The following TMOD1 variants were observed in gnomAD, a reference collection of about 807,000 sequenced individuals.
The protein encoded by TMOD1 is tropomodulin-1.
TMOD1 carries 17 observed loss-of-function variants against 40.6 expected under a neutral mutation model. The ratio of observed to expected loss-of-function variants is 0.42; its 90% CI spans 0.29 to 0.63. The LOEUF is 0.63. TMOD1 is among the 20% of genes least tolerant of loss of function. TMOD1 has a pLI of 0.22. For missense variants in TMOD1, 391 were observed against 447.6 expected, an observed-to-expected ratio of 0.87 and a Z score of 1.14; for synonymous variants, 181 against 175.0, an observed-to-expected ratio of 1.03 and a Z score of -0.27.
In TMOD1 at chr9:97,599,800, C is replaced by CTTT; in HGVS notation, c.*104_*106dup. ...GGCAAAATGCTGGCAGCATGAAACCCTTTTGTGGTTCAGTTCTTTATGCAC... is the reference window on the plus strand; with the variant it reads ...GGCAAAATGCTGGCAGCATGAAACCCTTTTTTTGTGGTTCAGTTCTTTATGCAC... On this transcript the variant is annotated 3_prime_UTR_variant, in exon 10 of 10. Transcript: ENST00000259365. The CTTT allele has an allele frequency of 5.0e-6, 8 of 1,591,880 alleles. No individual in the cohort carries two copies. Among genetic ancestry groups the CTTT allele is most frequent in the Non-Finnish European group, 6.9e-6 (8 of 1,166,792 alleles).
At chr9:97,538,989 A>G (rs1200802302) in intron 2 of TMOD1, among the ~76,000 whole-genome samples, 2 of 152,144 alleles carry the variant, frequency 1.3e-5, no homozygotes, top group African/African-American at 4.8e-5. Flanking sequence ...TGGCCAGCAC[A>G]GCCAGACTCC....
rs554148541 is a variant in TMOD1, at chr9:97,507,773, G to T, written c.-49+5970G>T. 4.6e-5 allele frequency among the ~76,000 whole-genome samples: 7 copies of T among 152,258 alleles called. No homozygotes were observed. In the East Asian group the frequency reaches 9.6e-4, roughly 21 times the overall value. ...TGACTCATGGCAGCCAAGGGGAAAG[G>T]GGGGGACAAGATGAATGGGAGGACT... On this transcript the variant is annotated intron_variant, in intron 1 of 9. Transcript: ENST00000259365.
rs1826209687 is a variant in TMOD1 at position 97,599,679 on chromosome 9, A to G, written c.1061A>G (p.Lys354Arg). 1.9e-6 allele frequency: 3 copies of G among 1,614,050 alleles called. No homozygotes were observed. Among genetic ancestry groups the G allele is most frequent in the Middle Eastern group, 1.6e-4 (1 of 6,078 alleles). ...GACCTGACTGGGCCCATCATTCCCA[A>G]GTGCCGGAGTGGTGTCTAGTGTGTG... ...LADLTGPIIP[K>R]CRSGV The change falls in exon 10 of 10, where the codon AAG becomes AGG. Residue 354 changes from lysine (K) to arginine (R), a missense_variant. Coordinates refer to ENST00000259365, the MANE Select transcript of TMOD1 (RefSeq NM_003275.4).
At chr9:97,561,059 G>T (rs1315217401) in intron 4 of TMOD1, among the ~76,000 whole-genome samples, 1 of 152,202 alleles carries the variant, frequency 6.6e-6, no homozygotes, top group Non-Finnish European at 1.5e-5. Context: ...GGCCTGTGAA[G>T]CCAGGCTCTG....
At chr9:97,527,841 T>C (rs544070570) in intron 2 of TMOD1, among the ~76,000 whole-genome samples, 1 of 152,134 alleles carries the variant, frequency 6.6e-6, no homozygotes, top group Non-Finnish European at 1.5e-5. Flanking sequence ...CAGGGAGAAG[T>C]GCACCTGAGG....
intron 1 of TMOD1, among the ~76,000 whole-genome samples, chr9:97,518,182 G>A (rs1006253395): frequency 6.6e-6 from 1 of 152,214 alleles, no homozygotes; most frequent in African/African-American, 2.4e-5. Context: ...ACCTGTGAAT[G>A]TGATAAGGTC....
intron 2 of TMOD1, among the ~76,000 whole-genome samples, chr9:97,537,613 C>T (rs557935118): frequency 5.3e-5 from 8 of 152,192 alleles, no homozygotes; most frequent in East Asian, 1.9e-4. Flanking sequence ...GCTGCACATC[C>T]GAGTTATAAT....
At chr9:97,583,837 C>T (rs1431213868) in intron 8 of TMOD1, among the ~76,000 whole-genome samples, 33 of 145,754 alleles carry the variant, frequency 2.3e-4, no homozygotes, top group African/African-American at 5.3e-4. Flanking sequence ...TCTGTGGGAT[C>T]GGTGGTGATA....
At chr9:97,589,279 ATTTTT>A (rs563136711) in intron 8 of TMOD1, among the ~76,000 whole-genome samples, 1 of 109,502 alleles carries the variant, frequency 9.1e-6, no homozygotes, top group Admixed American at 1.0e-4. Flanking sequence ...AAACTCACTA[ATTTTT>A]TTTTTTTTTT....
rs1407622398 is a variant in TMOD1, at chr9:97,600,031, T to A, written c.*333T>A. The A allele has an allele frequency of 1.8e-6, 2 of 1,095,692 alleles. No individual in the cohort carries two copies. Among genetic ancestry groups the A allele is most frequent in the African/African-American group, 3.2e-5 (2 of 62,518 alleles). 67.9% of individuals were successfully genotyped at this position (1,095,692 alleles called of 1,614,324 possible). On this transcript the variant is annotated 3_prime_UTR_variant, in exon 10 of 10. Coordinates refer to ENST00000259365, the MANE Select transcript of TMOD1 (RefSeq NM_003275.4). ...TTTCAATGGCCTTGCTGTGTGGTGT[T>A]TCAAGTGCATTTAAAATGTGTGACA...
intron 1 of TMOD1, among the ~76,000 whole-genome samples, chr9:97,509,512 GT>G (rs1336296792): frequency 3.8e-5 from 4 of 106,132 alleles, no homozygotes; most frequent in African/African-American, 1.4e-4. Flanking sequence ...TTTTTTTTTT[GT>G]TTTTTGTTTT....
intron 8 of TMOD1, among the ~76,000 whole-genome samples, chr9:97,569,957 T>C (rs956797365): frequency 2.0e-5 from 3 of 152,132 alleles, no homozygotes; most frequent in African/African-American, 4.8e-5. Context: ...TTTTTTTTTT[T>C]CCACTACATG....
At chr9:97,517,390 C>T (rs550742399) in intron 1 of TMOD1, among the ~76,000 whole-genome samples, 10 of 151,840 alleles carry the variant, frequency 6.6e-5, no homozygotes, top group Admixed American at 3.9e-4. Flanking sequence ...TCAGGCTGGC[C>T]CTGAGCTGGA....
chr9:97,601,079 C>T lies in TMOD1; in HGVS notation c.*1381C>T, dbSNP rs971482785. ...GTGGGCAGTACAGGGTAACTGGAGG[C>T]GGGGCCAGGGCCTCAGCGCTATGGA... On this transcript the variant is annotated 3_prime_UTR_variant, in exon 10 of 10. Coordinates refer to ENST00000259365, the MANE Select transcript of TMOD1 (RefSeq NM_003275.4). 41 of 1,304,130 alleles carry T rather than the reference C, an allele frequency of 3.1e-5. No homozygotes were observed. The highest frequency in any genetic ancestry group is 2.2e-4 in the East Asian group (4 of 18,034). 80.8% of individuals were successfully genotyped at this position (1,304,130 alleles called of 1,614,324 possible).
chr9:97,531,402 G>A (rs1267635667), intron 2 of TMOD1, among the ~76,000 whole-genome samples: 2 of 152,102 alleles, frequency 1.3e-5, no homozygotes, highest in African/African-American at 2.4e-5. Context: ...CTTGAGGTCA[G>A]GAGTTCAAAA....
rs575551606 is a variant in TMOD1, at chr9:97,510,078, G to A, written c.-49+8275G>A. Among the ~76,000 whole-genome samples, 14 of 151,974 alleles carry A rather than the reference G, an allele frequency of 9.2e-5. No homozygotes were observed. In the East Asian group the frequency reaches 1.2e-3, roughly 13 times the overall value. On this transcript the variant is annotated intron_variant, in intron 1 of 9. Coordinates refer to ENST00000259365, the MANE Select transcript of TMOD1 (RefSeq NM_003275.4). Reference sequence around the variant, plus strand: ...TGCCGTTTGCTTTTTGGTATTGTTCGTATTAATTTTCATATTGGTTTTTTG... The same window carrying A: ...TGCCGTTTGCTTTTTGGTATTGTTCATATTAATTTTCATATTGGTTTTTTG...
chr9:97,512,021 C>T (rs1220216866), intron 1 of TMOD1, among the ~76,000 whole-genome samples: 2 of 152,190 alleles, frequency 1.3e-5, no homozygotes, highest in Non-Finnish European at 2.9e-5. Context: ...CCCAGGTGAG[C>T]CCAGTAGAGG....
At position 97,517,326 on chromosome 9, in the gene TMOD1, G is replaced by A. The variant is rs1408500654; in HGVS notation, c.-48-6815G>A. Among the ~76,000 whole-genome samples the A allele has an allele frequency of 9.9e-5, 15 of 152,096 alleles. No individual in the cohort carries two copies. The East Asian group carries it at 2.7e-3, about 27-fold the overall frequency. ...GATTATATCACTACACTCCAGCGTG[G>A]GTGATGGGGGAAAAAAAAAAAAGTT... On this transcript the variant is annotated intron_variant, in intron 1 of 9. Transcript: ENST00000259365.
chr9:97,506,179 G>A (rs190093946), intron 1 of TMOD1, among the ~76,000 whole-genome samples: 6 of 152,202 alleles, frequency 3.9e-5, no homozygotes, highest in African/African-American at 7.2e-5. Context: ...ACCCTTAAAA[G>A]CAAAGTTCTT....
Sources: allele counts gnomAD v4.1 joint callset (sites outside exome capture counted in the v4.1 genomes callset), GRCh38; gene constraint gnomAD v4.1.1; transcripts MANE v1.5; gene names NCBI Gene and HGNC (gene_info 2026-07-23, HGNC 2026-07-21).